PTPRJ: variants seen among roughly 807,000 people sequenced by gnomAD.
The protein encoded by PTPRJ is protein tyrosine phosphatase receptor type J, also known as receptor-type tyrosine-protein phosphatase eta.
Under a neutral mutation model 141.3 loss-of-function variants are expected in PTPRJ, and 129 were observed. The observed-to-expected ratio is 0.91, with a 90% CI of 0.79 to 1.06. PTPRJ has a LOEUF of 1.06. Ranked by LOEUF, PTPRJ falls within the 50% of genes least tolerant of loss-of-function variation. The pLI is 0.00. For synonymous variants in PTPRJ, 610 were observed against 640.5 expected, an observed-to-expected ratio of 0.95 and a Z score of 0.72; for missense variants, 1,601 against 1,679.7, an observed-to-expected ratio of 0.95 and a Z score of 0.82.
At chr11:48,030,108 G>A (rs1194456006) in intron 1 of PTPRJ, among the ~76,000 whole-genome samples, 1 of 152,214 alleles carries the variant, frequency 6.6e-6, no homozygotes, top group Non-Finnish European at 1.5e-5. Context: ...TTGTAGGAAT[G>A]TTGGATTTTT....
At chr11:48,031,622 T>C (rs1440132237) in intron 1 of PTPRJ, among the ~76,000 whole-genome samples, 1 of 152,182 alleles carries the variant, frequency 6.6e-6, no homozygotes, top group Non-Finnish European at 1.5e-5. Flanking sequence ...TGAGTCTGGC[T>C]CAACACACAG....
intron 1 of PTPRJ, among the ~76,000 whole-genome samples, chr11:48,048,480 G>A (rs1854465755): frequency 6.6e-6 from 1 of 152,168 alleles, no homozygotes; most frequent in Non-Finnish European, 1.5e-5. Context: ...TTTGTAGTGT[G>A]CTGGCCACGG....
chr11:48,089,774 G>A (rs1855819108), intron 1 of PTPRJ, among the ~76,000 whole-genome samples: 1 of 152,178 alleles, frequency 6.6e-6, no homozygotes, highest in Non-Finnish European at 1.5e-5. Context: ...ACAGTAAATG[G>A]AAGGAATTTT....
rs1857269283 is a variant in PTPRJ, at chr11:48,142,937, G to C, written c.2462G>C (p.Gly821Ala). ...TGITDPPPPD[G>A]SPNITSVSHN... is the part of the protein sequence containing the mutation. ...GTTTTAGATCCCCCTCCTCCAGATGGATCCCCTAATATTACATCTGTCAGT... is the reference window on the plus strand; with the variant it reads ...GTTTTAGATCCCCCTCCTCCAGATGCATCCCCTAATATTACATCTGTCAGT... The change falls in exon 12 of 25, where the codon GGA becomes GCA. Residue 821 changes from glycine to alanine, a missense_variant. Coordinates refer to ENST00000418331, the MANE Select transcript of PTPRJ (RefSeq NM_002843.4). 6.2e-7 allele frequency: 1 copy of C among 1,613,988 alleles called. No homozygotes were observed. The highest frequency in any genetic ancestry group is 1.3e-5 in the African/African-American group (1 of 75,056).
chr11:47,983,041 C>T (rs1228014), intron 1 of PTPRJ, among the ~76,000 whole-genome samples: 5,030 of 152,238 alleles, frequency 0.033, 273 homozygotes, highest in African/African-American at 0.11. Context: ...ACTTTCAAGA[C>T]AGCTGAAACC....
intron 1 of PTPRJ, among the ~76,000 whole-genome samples, chr11:47,999,347 A>C (rs1854430348): frequency 6.6e-6 from 1 of 152,238 alleles, no homozygotes; most frequent in South Asian, 2.1e-4. Context: ...CTCTTTTGGA[A>C]GGAATCTGTT....
chr11:48,126,385 A>C (rs1399245623), intron 6 of PTPRJ, among the ~76,000 whole-genome samples: 1 of 151,976 alleles, frequency 6.6e-6, no homozygotes, highest in Non-Finnish European at 1.5e-5. Context: ...TTCCCTCTCT[A>C]TAAGGGGCGA....
chr11:48,059,949 T>A (rs1450974213), intron 1 of PTPRJ, among the ~76,000 whole-genome samples: 2 of 152,328 alleles, frequency 1.3e-5, no homozygotes, highest in African/African-American at 2.4e-5. Context: ...ATAACCTGTT[T>A]GATTGAAGCT....
chr11:48,156,445 C>T (rs1009267982), intron 21 of PTPRJ, among the ~76,000 whole-genome samples: 3 of 152,078 alleles, frequency 2.0e-5, no homozygotes, highest in Admixed American at 6.5e-5. Context: ...CTTCATTGGC[C>T]CCATGAACAC....
chr11:48,107,537 T>C lies in PTPRJ; in HGVS notation c.97-2521T>C, dbSNP rs954367751. ...GGCCGTACTGCATTCTTCCCGTGTC[T>C]GTCACTGCTGAGTCGTGAGCTTGAT... On this transcript the variant is annotated intron_variant, in intron 1 of 24. Coordinates refer to ENST00000418331, the MANE Select transcript of PTPRJ (RefSeq NM_002843.4). 4.6e-5 allele frequency among the ~76,000 whole-genome samples: 7 copies of C among 152,170 alleles called. No individual in the cohort carries two copies. The East Asian group carries it at 7.7e-4, about 17-fold the overall frequency.
At chr11:48,043,138 C>T (rs1440982015) in intron 1 of PTPRJ, among the ~76,000 whole-genome samples, 1 of 152,194 alleles carries the variant, frequency 6.6e-6, no homozygotes. Context: ...AATCTTTGAT[C>T]ACTTTCCTTT....
chr11:47,990,946 TG>T (rs1337883157), intron 1 of PTPRJ, among the ~76,000 whole-genome samples: 3 of 152,078 alleles, frequency 2.0e-5, no homozygotes, highest in Non-Finnish European at 4.4e-5. Flanking sequence ...CCCAAAGTGC[TG>T]GGATTACAGG....
In PTPRJ at chr11:48,121,050, A is replaced by G. The variant is rs149715109; in HGVS notation, c.400A>G (p.Asn134Asp). The stretch of plus-strand genomic sequence containing the variant: ...TAAAGCTGTTTCCATCAGTCCAACC[A>G]ATGTGATCTTAACTTGGAAAAGTAA... Reference protein sequence around the residue: ...DIKAVSISPTNVILTWKSNDT... With the variant: ...DIKAVSISPTDVILTWKSNDT... Residue 134 changes from asparagine (N) to aspartate (D), a missense_variant, in exon 4 of 25, where the codon AAT becomes GAT. Physicochemically the swap from Asn to Asp is conservative, Grantham distance 23 (BLOSUM62 1). Transcript: ENST00000418331. 9.9e-6 allele frequency: 16 copies of G among 1,612,792 alleles called. No individual in the cohort carries two copies. The highest frequency in any genetic ancestry group is 1.4e-5 in the Non-Finnish European group (16 of 1,179,312).
chr11:48,120,592 A>G (rs1032675996), intron 3 of PTPRJ, among the ~76,000 whole-genome samples: 1 of 150,514 alleles, frequency 6.6e-6, no homozygotes, highest in Admixed American at 6.6e-5. Flanking sequence ...CACCCAGCTA[A>G]TTTTTTTTTG....
At chr11:48,153,693 T>G in intron 18 of PTPRJ, 103 bp from the exon 19 acceptor site, 1 of 708,704 alleles carries the variant, frequency 1.4e-6, no homozygotes, top group African/African-American at 1.8e-5. Context: ...AAAAACAACT[T>G]GTCTATGGGA....
At chr11:48,025,034 CTGAGAGTATA>C (rs1258875742) in intron 1 of PTPRJ, among the ~76,000 whole-genome samples, 2 of 152,212 alleles carry the variant, frequency 1.3e-5, no homozygotes, top group African/African-American at 4.8e-5. Context: ...TCTGGCAGGC[CTGAGAGTATA>C]TGGGAATAAG....
Position 48,159,161 on chromosome 11 carries a change from G to GTTTA in PTPRJ, c.3439-769_3439-768insTTTA, listed in dbSNP as rs60389100. Among the ~76,000 whole-genome samples, 224 of 130,626 alleles carry GTTTA rather than the reference G, an allele frequency of 1.7e-3. 6 individuals carry two copies. The highest frequency in any genetic ancestry group is 2.4e-3 in the South Asian group (9 of 3,710). The allele number at this position is 130,626 out of a possible 152,430, so 85.7% of individuals were successfully genotyped here. On this transcript the variant is annotated intron_variant, in intron 21 of 24. Coordinates refer to ENST00000418331, the MANE Select transcript of PTPRJ (RefSeq NM_002843.4). ...TGTGTGTGTGTGTGTGTGTGTGTGTGGTCATTTGCCAAATGGGTATTCAGA... is the reference window on the plus strand; with the variant it reads ...TGTGTGTGTGTGTGTGTGTGTGTGTGTTTAGTCATTTGCCAAATGGGTATTCAGA...
At chr11:48,071,108 A>C (rs889423337) in intron 1 of PTPRJ, among the ~76,000 whole-genome samples, 19 of 152,190 alleles carry the variant, frequency 1.2e-4, no homozygotes, top group African/African-American at 4.6e-4. Context: ...GGTTCACTAG[A>C]ACTACAGATG....
At chr11:48,094,809 C>A (rs183584641) in intron 1 of PTPRJ, among the ~76,000 whole-genome samples, 1 of 152,152 alleles carries the variant, frequency 6.6e-6, no homozygotes, top group East Asian at 1.9e-4. Context: ...TTTGGGTCAA[C>A]TTCAGGGTAG....
Sources: gnomAD v4.1 joint callset for allele counts (sites outside exome capture counted in the v4.1 genomes callset) on GRCh38, gnomAD v4.1.1 for gene constraint, MANE v1.5 for transcripts, NCBI Gene and HGNC (gene_info 2026-07-23, HGNC 2026-07-21) for gene names.